Variants in ANKDD1A observed in about 807,000 individuals in gnomAD.
The protein encoded by ANKDD1A is ankyrin repeat and death domain-containing protein 1A.
In ANKDD1A, 59 loss-of-function variants were observed where a neutral mutation model predicts 63.5. That is an observed-to-expected ratio of 0.93 (90% CI 0.75 to 1.15). The LOEUF is 1.15. Ranked by LOEUF, ANKDD1A falls within the 50% of genes most tolerant of loss-of-function variation. The pLI, the probability that ANKDD1A is intolerant of heterozygous loss-of-function variation, is 0.00. For synonymous variants in ANKDD1A, 266 were observed against 263.9 expected (o/e 1.01, Z -0.08); for missense variants, 632 against 656.4 (o/e 0.96, Z 0.41).
intron 1 of ANKDD1A, among the ~76,000 whole-genome samples, chr15:64,915,230 G>C (rs967812764): frequency 1.3e-5 from 2 of 152,146 alleles, no homozygotes; most frequent in African/African-American, 4.8e-5. Context: ...GCTTGAACCT[G>C]GGAGGCAGAG....
intron 14 of ANKDD1A, among the ~76,000 whole-genome samples, chr15:64,951,785 CTTCCTTCT>C (rs2140386686): frequency 9.1e-6 from 1 of 110,218 alleles, no homozygotes; most frequent in South Asian, 3.6e-4. Context: ...TTCCTTTCTT[CTTCCTTCT>C]TTCTTTCCTC....
intron 14 of ANKDD1A, among the ~76,000 whole-genome samples, chr15:64,954,546 TC>T (rs2085390197): frequency 4.2e-5 from 6 of 142,804 alleles, no homozygotes; most frequent in South Asian, 2.2e-4. Context: ...TTCTCCTTCT[TC>T]TTTTCTTCTT....
intron 14 of ANKDD1A, among the ~76,000 whole-genome samples, chr15:64,951,706 A>ATTC (rs1188766067): frequency 0.92 from 124,972 of 135,254 alleles, 57,931 homozygotes; most frequent in East Asian, 0.99. Context: ...CTTCTTCCTT[A>ATTC]TTTTCTTTTT....
At chr15:64,928,168 G>C (rs754276349) in intron 6 of ANKDD1A, among the ~76,000 whole-genome samples, 12 of 152,236 alleles carry the variant, frequency 7.9e-5, no homozygotes, top group African/African-American at 1.4e-4. Flanking sequence ...GCTGGATTTG[G>C]AAGCAGCATC....
intron 14 of ANKDD1A, among the ~76,000 whole-genome samples, chr15:64,953,977 C>T (rs2085368603): frequency 1.4e-4 from 2 of 13,980 alleles, no homozygotes; most frequent in Admixed American, 1.4e-3. Context: ...CTTCTTTCTT[C>T]CTCTATCTTC....
At chr15:64,951,951 CTTT>C (rs1292309537) in intron 14 of ANKDD1A, among the ~76,000 whole-genome samples, 1 of 140,728 alleles carries the variant, frequency 7.1e-6, no homozygotes, top group African/African-American at 2.6e-5. Flanking sequence ...TCTTCTTCTT[CTTT>C]CCTTCTGCTC....
At chr15:64,926,448 G>A (rs1311518846) in intron 5 of ANKDD1A, among the ~76,000 whole-genome samples, 1 of 152,120 alleles carries the variant, frequency 6.6e-6, no homozygotes, top group African/African-American at 2.4e-5. Context: ...GGTGGCATTT[G>A]GTAAATAAAC....
intron 12 of ANKDD1A, among the ~76,000 whole-genome samples, chr15:64,946,113 A>G (rs2140381458): frequency 6.6e-6 from 1 of 152,304 alleles, no homozygotes; most frequent in African/African-American, 2.4e-5. Context: ...AAGTCTTTTG[A>G]GTAATGTTGG....
At position 64,952,072 on chromosome 15, in the gene ANKDD1A, T is replaced by TC. The variant is rs1250467186; in HGVS notation, c.1483+2101dup. Among the ~76,000 whole-genome samples the TC allele has an allele frequency of 4.2e-3, 19 of 4,564 alleles. No homozygotes were observed. In the East Asian group the frequency reaches 0.17, roughly 42 times the overall value. 3.0% of individuals were successfully genotyped at this position (4,564 alleles called of 152,430 possible). On this transcript the variant is annotated intron_variant, in intron 14 of 14. Coordinates refer to ENST00000319580, the MANE Select transcript of ANKDD1A (RefSeq NM_182703.6). ...TTCTTCTTCTTAGTTCTTCCTTTCT[T>TC]CTTCTTCCTTCTTTTCTTCCTCTTC...
chr15:64,934,068 C>T (rs909179081), intron 8 of ANKDD1A, 68 bp from the exon 9 acceptor site: 15 of 1,323,796 alleles, frequency 1.1e-5, no homozygotes, highest in East Asian at 7.3e-5. Context: ...AAATGAATCT[C>T]GAAGAGCTTT....
Position 64,953,855 on chromosome 15 carries a change from TC to T in ANKDD1A, c.1484-3247del, listed in dbSNP as rs1595860656. On this transcript the variant is annotated intron_variant, in intron 14 of 14. Transcript: ENST00000319580. ...TCTTTCCTCTTCTTTTCTTCTTTCC[TC>T]TTCTTCCTCTTTCTTCTTCATTCTT... Among the ~76,000 whole-genome samples the T allele has an allele frequency of 0.013, 49 of 3,760 alleles. 2 individuals are homozygous for T. The East Asian group carries it at 0.36, about 28-fold the overall frequency. 2.5% of individuals were successfully genotyped at this position (3,760 alleles called of 152,430 possible).
intron 10 of ANKDD1A, chr15:64,943,237 G>C: frequency 4.2e-6 from 2 of 478,528 alleles, no homozygotes; most frequent in Non-Finnish European, 7.4e-6. Context: ...GGCTAGTATG[G>C]AGTTATCAAA....
intron 11 of ANKDD1A, among the ~76,000 whole-genome samples, 178 bp from the exon 12 acceptor site, chr15:64,944,474 C>T (rs998924804): frequency 3.3e-5 from 5 of 152,134 alleles, no homozygotes; most frequent in East Asian, 1.9e-4. Context: ...TTGCTTTATT[C>T]TATTTGTGAC....
chr15:64,930,444 G>T (rs562713807), intron 6 of ANKDD1A, among the ~76,000 whole-genome samples: 1 of 152,166 alleles, frequency 6.6e-6, no homozygotes, highest in Non-Finnish European at 1.5e-5. Flanking sequence ...AGAAACTAAC[G>T]TCTCACACAA....
At chr15:64,950,112 C>T (rs2085258093) in intron 14 of ANKDD1A, 140 bp downstream of exon 14, 3 of 1,463,740 alleles carry the variant, frequency 2.0e-6, no homozygotes, top group African/African-American at 1.4e-5. Context: ...CCTAGCCCTG[C>T]CCTCTTTTCC....
At chr15:64,937,229 A>G (rs1261428955) in intron 9 of ANKDD1A, among the ~76,000 whole-genome samples, 1 of 152,182 alleles carries the variant, frequency 6.6e-6, no homozygotes, top group Non-Finnish European at 1.5e-5. Context: ...TATGTATAAA[A>G]CTTACAAATA....
intron 14 of ANKDD1A, among the ~76,000 whole-genome samples, chr15:64,954,096 CCT>C (rs2085374429): frequency 7.3e-6 from 1 of 136,288 alleles, no homozygotes; most frequent in East Asian, 2.2e-4. Context: ...CTTTCTCCTC[CCT>C]CTTTTCTTCT....
chr15:64,929,235 G>T (rs546612935), intron 6 of ANKDD1A, among the ~76,000 whole-genome samples: 1 of 151,916 alleles, frequency 6.6e-6, no homozygotes, highest in South Asian at 2.1e-4. Context: ...GTGTAGTGGC[G>T]TAATCACAGC....
intron 14 of ANKDD1A, chr15:64,950,437 C>G (rs984122186): frequency 7.5e-5 from 74 of 985,396 alleles, no homozygotes; most frequent in Non-Finnish European, 8.8e-5. Flanking sequence ...TCTCAAAAGC[C>G]TGATATGGGA....
Sources: gnomAD v4.1 joint callset for allele counts (sites outside exome capture counted in the v4.1 genomes callset) on GRCh38, gnomAD v4.1.1 for gene constraint, MANE v1.5 for transcripts, NCBI Gene and HGNC (gene_info 2026-07-23, HGNC 2026-07-21) for gene names.